Variants in COL4A6 observed in about 807,000 individuals in gnomAD.
COL4A6 encodes the protein collagen type IV alpha 6 chain, also known as collagen alpha-6(IV) chain.
Under a neutral mutation model 126.7 loss-of-function variants are expected in COL4A6, and 59 were observed. That is an observed-to-expected ratio of 0.47 (90% confidence interval 0.38 to 0.58). The LOEUF is 0.58. COL4A6 is among the 20% of genes least tolerant of loss of function. The probability of loss-of-function intolerance (pLI) is 0.00; values close to 1 mark genes in which losing one functional copy is unlikely to be tolerated. For missense variants in COL4A6, 1,285 were observed against 1,337.3 expected (o/e 0.96, Z 0.61); for synonymous variants, 547 against 496.6 (o/e 1.10, Z -1.35).
chrX:108,409,102 T>C (rs2041275039), intron 2 of COL4A6, among the ~76,000 whole-genome samples: 1 of 112,568 alleles, frequency 8.9e-6, no homozygotes, highest in Admixed American at 9.4e-5. Context: ...AAGGAGTAGA[T>C]TCAGAAGTGA....
At chrX:108,347,649 C>T (rs2039739553) in intron 2 of COL4A6, among the ~76,000 whole-genome samples, 1 of 111,158 alleles carries the variant, frequency 9.0e-6, no homozygotes, top group Admixed American at 9.6e-5. Flanking sequence ...GCATCTACTT[C>T]AGAAAGAAAC....
At chrX:108,406,729 A>T (rs1281848903) in intron 2 of COL4A6, among the ~76,000 whole-genome samples, 1 of 112,236 alleles carries the variant, frequency 8.9e-6, no homozygotes, top group African/African-American at 3.2e-5. Flanking sequence ...CTTTTCCTGG[A>T]TAACTCCAAT....
At chrX:108,211,765 G>A (rs756455509) in intron 6 of COL4A6, 25 bp from the exon 7 acceptor site, 14 of 1,146,029 alleles carry the variant, frequency 1.2e-5, no homozygotes. Flanking sequence ...TTAAAAAATT[G>A]AAGAAATACA....
intron 2 of COL4A6, among the ~76,000 whole-genome samples, chrX:108,331,833 T>A (rs894252600): frequency 9.0e-6 from 1 of 111,307 alleles, no homozygotes; most frequent in Non-Finnish European, 1.9e-5. Flanking sequence ...GTAATCTGCT[T>A]TACACAAAGT....
chrX:108,165,068 G>T (rs765172549), intron 38 of COL4A6, 30 bp from the exon 39 acceptor site: 37 of 1,180,121 alleles, frequency 3.1e-5, no homozygotes, highest in Non-Finnish European at 4.1e-5. Context: ...AGGGGCGAGG[G>T]GCAGGTGAAC....
rs150847883 is a variant in COL4A6, at chrX:108,178,968, C to T, written c.2354-123G>A. ...TCTCAGCTCCAGCCTTGTTGCTATT[C>T]CCAGCCGTAACCCAGTCTTTGCAAG... On this transcript the variant is annotated intron_variant, in intron 26 of 44. Coordinates refer to ENST00000334504, the MANE Select transcript of COL4A6 (RefSeq NM_033641.4). The T allele has an allele frequency of 0.014, 12,207 of 847,367 alleles. 99 individuals carry two copies. Among genetic ancestry groups the T allele is most frequent in the Non-Finnish European group, 0.015 (9,205 of 619,218 alleles). 69.8% of individuals were successfully genotyped at this position (847,367 alleles called of 1,213,427 possible).
chrX:108,387,388 C>T (rs1272117431), intron 2 of COL4A6, among the ~76,000 whole-genome samples: 1 of 111,735 alleles, frequency 8.9e-6, no homozygotes, highest in Non-Finnish European at 1.9e-5. Context: ...TCTCTTATTT[C>T]CTTGAGCAGT....
intron 13 of COL4A6, among the ~76,000 whole-genome samples, chrX:108,201,070 G>A (rs1396420835): frequency 1.8e-5 from 2 of 111,609 alleles, no homozygotes; most frequent in African/African-American, 6.5e-5. Context: ...CAAGTGCATT[G>A]AACAGATGAT....
At chrX:108,188,431 T>C (rs187841513) in intron 21 of COL4A6, 86 bp downstream of exon 21, 6 of 929,140 alleles carry the variant, frequency 6.5e-6, no homozygotes, top group South Asian at 8.1e-5. Context: ...CTCTCTTGTA[T>C]GTGCTTTAGA....
At chrX:108,214,294 C>T in intron 5 of COL4A6, 66 bp from the exon 6 acceptor site, 1 of 815,064 alleles carries the variant, frequency 1.2e-6, no homozygotes, top group East Asian at 3.2e-5. Context: ...AATGGCTCCA[C>T]AGCGAGAAAA....
At chrX:108,186,157 G>T (rs113508367) in intron 23 of COL4A6, among the ~76,000 whole-genome samples, 2 of 111,762 alleles carry the variant, frequency 1.8e-5, no homozygotes, top group African/African-American at 6.5e-5. Flanking sequence ...TTGAACTAGG[G>T]GAGTTACATG....
rs757393406 is a variant in COL4A6, at chrX:108,174,533, C to T, written c.3045G>A (p.Lys1015=). The change falls in exon 31 of 45, where the codon AAG becomes AAA. Residue 1015 remains lysine (K), a synonymous_variant. Coordinates refer to ENST00000334504, the MANE Select transcript of COL4A6 (RefSeq NM_033641.4). ...LPGIIKGVSG[K]PGPPGFMGIR... is the part of the protein sequence containing the mutation. ...TTCCCATGAAGCCAGGGGGCCCTGGCTTTCCACTAACTCCTTTGATAATGC... is the reference window on the plus strand; with the variant it reads ...TTCCCATGAAGCCAGGGGGCCCTGGTTTTCCACTAACTCCTTTGATAATGC... 3 of 1,210,697 alleles carry T rather than the reference C, an allele frequency of 2.5e-6. No individual in the cohort carries two copies. Among genetic ancestry groups the T allele is most frequent in the Non-Finnish European group, 3.4e-6 (3 of 894,958 alleles).
chrX:108,355,000 A>T (rs186513212), intron 2 of COL4A6, among the ~76,000 whole-genome samples: 340 of 111,973 alleles, frequency 3.0e-3, no homozygotes, highest in African/African-American at 0.011. Flanking sequence ...GATGTTAAAG[A>T]AAAAGAGAAG....
At chrX:108,356,517 T>C (rs2039964474) in intron 2 of COL4A6, among the ~76,000 whole-genome samples, 1 of 110,125 alleles carries the variant, frequency 9.1e-6, no homozygotes, top group African/African-American at 3.3e-5. Flanking sequence ...AGGAAGTAAA[T>C]AGGTTTGAAG....
chrX:108,348,699 T>TGCTCCCTTTTGGGGGCTCCCTTTTCC (rs1162128131), intron 2 of COL4A6, among the ~76,000 whole-genome samples: 1 of 111,678 alleles, frequency 9.0e-6, no homozygotes, highest in African/African-American at 3.3e-5. Context: ...TATTCATATA[T>TGCTCCCTTTTGGGGGCTCCCTTTTCC]CCTTTGGGGG....
chrX:108,172,440 C>T, intron 32 of COL4A6, 29 bp downstream of exon 32: 2 of 1,011,664 alleles, frequency 2.0e-6, no homozygotes, highest in Non-Finnish European at 2.6e-6. Flanking sequence ...TAGAAGAAAA[C>T]ATTAAAAGAA....
intron 2 of COL4A6, among the ~76,000 whole-genome samples, chrX:108,398,370 C>A (rs1349801817): frequency 9.2e-6 from 1 of 108,409 alleles, no homozygotes; most frequent in East Asian, 2.8e-4. Context: ...TTATGTGTGT[C>A]TGTGTGTTTT....
chrX:108,425,881 G>A (rs1304776968), intron 2 of COL4A6, among the ~76,000 whole-genome samples: 4 of 110,832 alleles, frequency 3.6e-5, no homozygotes, highest in Non-Finnish European at 7.5e-5. Context: ...TATTTCTGGG[G>A]AGGGCATATG....
rs1344518761 is a variant in COL4A6 at position 108,155,629 on chromosome X, TTTTA to T, written c.*1367_*1370del. 8.9e-6 allele frequency: 1 copy of T among 112,107 alleles called. No individual in the cohort carries two copies. The allele number at this position is 112,107 out of a possible 1,213,427, so 9.2% of individuals were successfully genotyped here. ...GAGTCACATGTTCAGATTTCATTTA[TTTTA>T]TTTGCTATGTACAAAACTGACACCA... On this transcript the variant is annotated 3_prime_UTR_variant, in exon 45 of 45. Coordinates refer to ENST00000334504, the MANE Select transcript of COL4A6 (RefSeq NM_033641.4).
Sources: gnomAD v4.1 joint callset for allele counts (sites outside exome capture counted in the v4.1 genomes callset) on GRCh38, gnomAD v4.1.1 for gene constraint, MANE v1.5 for transcripts, NCBI Gene and HGNC (gene_info 2026-07-23, HGNC 2026-07-21) for gene names.